Variants in TBPL2 observed in about 807,000 individuals in gnomAD.
The protein encoded by TBPL2 is TATA box-binding protein-like 2.
TBPL2 carries 40 observed loss-of-function variants against 38.2 expected under a neutral mutation model. The observed-to-expected ratio is 1.05, with a 90% CI of 0.81 to 1.36. TBPL2 has a LOEUF of 1.36. Among genes scored for constraint, TBPL2 ranks in the 40% most tolerant of loss-of-function variants. TBPL2 has a pLI of 0.00. For missense variants in TBPL2, 461 were observed against 456.7 expected, an observed-to-expected ratio of 1.01 and a Z score of -0.09; for synonymous variants, 169 against 171.7, an observed-to-expected ratio of 0.98 and a Z score of 0.12.
At chr14:55,417,440 A>C (rs1885684868) in intron 6 of TBPL2, among the ~76,000 whole-genome samples, 1 of 143,240 alleles carries the variant, frequency 7.0e-6, no homozygotes, top group Non-Finnish European at 1.5e-5. Flanking sequence ...CTCCAATGAG[A>C]TGACCCTTGC....
At position 55,435,922 on chromosome 14, in the gene TBPL2, G is replaced by A. The variant is rs185587534; in HGVS notation, c.621C>T (p.Ser207=). The A allele has an allele frequency of 5.1e-6, 8 of 1,573,446 alleles. No homozygotes were observed. In the Admixed American group the frequency reaches 8.2e-5, roughly 16 times the overall value. ...CCAACTTACAGGCCAGGTTTACAGT[G>A]GAAACTATATTCCTGAAGAAATAAG... Residue 207 remains serine, a synonymous_variant, in exon 3 of 7, where the codon TCC becomes TCT. Transcript: ENST00000247219.
chr14:55,426,268 A>C (rs1239800288), intron 5 of TBPL2, among the ~76,000 whole-genome samples: 1 of 101,770 alleles, frequency 9.8e-6, no homozygotes. Flanking sequence ...ACTCCATCTC[A>C]AAAAAAAAAA....
rs757533338 is a variant in TBPL2, at chr14:55,436,753, T to G, written c.416A>C (p.Glu139Ala). ...GTTTAAGCCCAGCCCAACGTCCTGT[T>G]CGCTGGGTGATGGCAACCTACTTTG... Residue 139 changes from glutamate to alanine, a missense_variant, in exon 2 of 7, where the codon GAA (glutamate) becomes GCA (alanine). Transcript: ENST00000247219. 1.3e-5 allele frequency: 21 copies of G among 1,614,070 alleles called. 1 individual carries two copies. In the South Asian group the frequency reaches 2.2e-4, roughly 17 times the overall value.
At chr14:55,428,119 CTTTTTT>C (rs567342581) in intron 5 of TBPL2, among the ~76,000 whole-genome samples, 198 of 43,316 alleles carry the variant, frequency 4.6e-3, no homozygotes, top group African/African-American at 0.021. Flanking sequence ...CATGCCTTAT[CTTTTTT>C]TTTTTTTTTT....
intron 1 of TBPL2, among the ~76,000 whole-genome samples, 192 bp from the exon 2 acceptor site, chr14:55,437,210 C>G (rs1441996261): frequency 2.6e-5 from 4 of 151,606 alleles, no homozygotes; most frequent in African/African-American, 9.6e-5. Context: ...GATGTGGTAG[C>G]TCACGCCTGT....
At chr14:55,427,727 A>T (rs903879228) in intron 5 of TBPL2, among the ~76,000 whole-genome samples, 2 of 151,980 alleles carry the variant, frequency 1.3e-5, no homozygotes, top group African/African-American at 4.8e-5. Context: ...GCGGGGGAGG[A>T]GCACTAGCTG....
At chr14:55,432,804 C>A (rs1885953089) in intron 4 of TBPL2, among the ~76,000 whole-genome samples, 1 of 152,216 alleles carries the variant, frequency 6.6e-6, no homozygotes, top group African/African-American at 2.4e-5. Flanking sequence ...AAAACAGGCT[C>A]TGCCACTACA....
intron 1 of TBPL2, among the ~76,000 whole-genome samples, chr14:55,439,548 G>A (rs1057415331): frequency 6.6e-5 from 10 of 151,372 alleles, no homozygotes; most frequent in African/African-American, 1.5e-4. Context: ...CCAGCACTTC[G>A]GGAGGCCAAG....
exon 2 of TBPL2, chr14:55,436,586 A>G: frequency 6.2e-7 from 1 of 1,614,202 alleles, no homozygotes; most frequent in Middle Eastern, 1.6e-4. Flanking sequence ...ATTCCACAAC[A>G]TTCTGAAATA....
exon 2 of TBPL2, chr14:55,436,583 A>G (rs751983182): frequency 6.2e-7 from 1 of 1,614,192 alleles, no homozygotes; most frequent in East Asian, 2.2e-5. Context: ...ACAATTCCAC[A>G]ACATTCTGAA....
chr14:55,419,257 G>A (rs982258282), intron 6 of TBPL2, among the ~76,000 whole-genome samples: 2 of 152,206 alleles, frequency 1.3e-5, no homozygotes, highest in Admixed American at 1.3e-4. Flanking sequence ...TTACTAAGCC[G>A]TTCCATTTTA....
intron 1 of TBPL2, among the ~76,000 whole-genome samples, chr14:55,437,745 A>T (rs1372445961): frequency 6.6e-6 from 1 of 152,234 alleles, no homozygotes; most frequent in African/African-American, 2.4e-5. Context: ...TTTGAGTTTT[A>T]AATGTAAATA....
At chr14:55,440,499 G>A (rs776460561) in exon 1 of TBPL2, 1 of 1,612,050 alleles carries the variant, frequency 6.2e-7, no homozygotes, top group Non-Finnish European at 8.5e-7. Flanking sequence ...GGGTAAGCGC[G>A]GAGCGAGCAG....
chr14:55,431,213 C>G (rs766134840), intron 4 of TBPL2, among the ~76,000 whole-genome samples: 14 of 152,300 alleles, frequency 9.2e-5, no homozygotes, highest in Admixed American at 2.0e-4. Flanking sequence ...TCACAACTCA[C>G]TATCCAAAAC....
exon 7 of TBPL2, chr14:55,414,232 G>T: frequency 3.2e-6 from 2 of 615,904 alleles, no homozygotes; most frequent in South Asian, 2.2e-5. Flanking sequence ...ATTTTTCTTC[G>T]TTTCTTAGGT....
chr14:55,440,487 G>T (rs142678886), exon 1 of TBPL2: 2 of 1,612,658 alleles, frequency 1.2e-6, no homozygotes, highest in East Asian at 2.2e-5. Context: ...GGGCGGGTAA[G>T]AGGGTAAGCG....
intron 6 of TBPL2, among the ~76,000 whole-genome samples, chr14:55,423,599 T>C (rs1390006804): frequency 1.3e-5 from 2 of 152,262 alleles, no homozygotes; most frequent in Non-Finnish European, 2.9e-5. Flanking sequence ...GCCTATGAGC[T>C]AAGAATGGTT....
chr14:55,425,085 T>G (rs1885800798), intron 5 of TBPL2, among the ~76,000 whole-genome samples: 1 of 152,216 alleles, frequency 6.6e-6, no homozygotes, highest in Admixed American at 6.5e-5. Context: ...AAAGCTCCAT[T>G]CAGTTCAGCA....
intron 6 of TBPL2, among the ~76,000 whole-genome samples, chr14:55,422,975 T>A (rs2341537): frequency 0.69 from 104,118 of 151,778 alleles, 35,819 homozygotes; most frequent in South Asian, 0.74. Flanking sequence ...AAAAATTATT[T>A]AAAAAAAAGC....
Sources: gnomAD v4.1 joint callset for allele counts (sites outside exome capture counted in the v4.1 genomes callset) on GRCh38, gnomAD v4.1.1 for gene constraint, MANE v1.5 for transcripts, NCBI Gene and HGNC (gene_info 2026-07-23, HGNC 2026-07-21) for gene names.